The following VASH2 variants were observed in gnomAD, a reference collection of about 807,000 sequenced individuals.
VASH2 encodes tubulinyl-Tyr carboxypeptidase 2.
In VASH2, 28 loss-of-function variants were observed where a neutral mutation model predicts 37.2. The observed-to-expected ratio is 0.75, with a 90% CI of 0.56 to 1.03. The LOEUF is 1.03. VASH2 is among the 50% of genes least tolerant of loss of function. The pLI is 0.00. For missense variants in VASH2, 419 were observed against 459.1 expected (o/e 0.91, Z 0.80); for synonymous variants, 188 against 174.7 (o/e 1.08, Z -0.60).
At chr1:212,966,935 T>A in intron 5 of VASH2, 1 of 414,146 alleles carries the variant, frequency 2.4e-6, no homozygotes, top group South Asian at 1.8e-5. Flanking sequence ...GAGATGAGGT[T>A]TCACCATGTT....
intron 7 of VASH2, among the ~76,000 whole-genome samples, chr1:212,981,342 G>C (rs2102656559): frequency 6.6e-6 from 1 of 152,328 alleles, no homozygotes; most frequent in African/African-American, 2.4e-5. Context: ...ATGTGAGGGA[G>C]GAGCGGACTG....
In VASH2 at chr1:212,989,769, A is replaced by G. The variant is rs193277139; in HGVS notation, c.*1185A>G. On this transcript the variant is annotated 3_prime_UTR_variant, in exon 8 of 8. Coordinates refer to ENST00000517399, the MANE Select transcript of VASH2 (RefSeq NM_001301056.2). ...GGAAAAGTCTTCGGTCCAGTGTTAC[A>G]CCTTATAGTGTAATTCAGTCCCTAA... The G allele has an allele frequency of 2.0e-5, 3 of 152,224 alleles. No homozygotes were observed. The highest frequency in any genetic ancestry group is 7.2e-5 in the African/African-American group (3 of 41,536). The allele number at this position is 152,224 out of a possible 1,614,324, so 9.4% of individuals were successfully genotyped here.
intron 7 of VASH2, among the ~76,000 whole-genome samples, chr1:212,976,261 A>T (rs558552585): frequency 1.3e-5 from 2 of 152,340 alleles, no homozygotes; most frequent in African/African-American, 4.8e-5. Context: ...TGACAGCCAG[A>T]TAAGTCTGTG....
chr1:212,978,328 C>T (rs567042803), intron 7 of VASH2, among the ~76,000 whole-genome samples: 11 of 152,210 alleles, frequency 7.2e-5, no homozygotes, highest in East Asian at 3.8e-4. Flanking sequence ...TCTACTCTCC[C>T]GCTCCCCTCC....
At chr1:212,958,948 C>T (rs571424057) in intron 2 of VASH2, among the ~76,000 whole-genome samples, 1 of 151,712 alleles carries the variant, frequency 6.6e-6, no homozygotes. Flanking sequence ...AGGCTGGTCT[C>T]GAACTTCTGG....
In VASH2 at chr1:212,965,716, A is replaced by C. The variant is rs1401287087; in HGVS notation, c.366-6A>C. 6.4e-7 allele frequency: 1 copy of C among 1,551,144 alleles called. No homozygotes were observed. Among genetic ancestry groups the C allele is most frequent in the East Asian group, 2.4e-5 (1 of 40,920 alleles). The stretch of plus-strand genomic sequence containing the variant: ...CTGTCACTTTCCCTTTACATACTTT[A>C]CACAGATATAATCACACAGGGACCC... On this transcript the variant is annotated splice_region_variant and splice_polypyrimidine_tract_variant and intron_variant, in intron 3 of 7. Coordinates refer to ENST00000517399, the MANE Select transcript of VASH2 (RefSeq NM_001301056.2).
At chr1:212,979,914 C>G (rs796491112) in intron 7 of VASH2, among the ~76,000 whole-genome samples, 80 of 152,286 alleles carry the variant, frequency 5.3e-4, no homozygotes, top group African/African-American at 1.8e-3. Flanking sequence ...TCCTTCCCAG[C>G]CCCGGGCCTC....
chr1:212,988,384 T>TG (rs915263430), intron 7 of VASH2, 128 bp from the exon 8 acceptor site: 102 of 886,676 alleles, frequency 1.2e-4, no homozygotes, highest in Admixed American at 2.3e-4. Flanking sequence ...GCTGGCAGGG[T>TG]GGGGGAATGG....
chr1:212,966,000 G>T (rs1022535388), intron 4 of VASH2: 5 of 603,952 alleles, frequency 8.3e-6, no homozygotes, highest in Non-Finnish European at 1.5e-5. Flanking sequence ...GGTGGAGGAG[G>T]CTTGTAAACT....
In VASH2 at chr1:212,973,967, G is replaced by T; in HGVS notation, c.892G>T (p.Ala298Ser). 1 of 1,613,592 alleles carries T rather than the reference G, an allele frequency of 6.2e-7. No homozygotes were observed. The highest frequency in any genetic ancestry group is 8.5e-7 in the Non-Finnish European group (1 of 1,179,824). ...RDMRMKILKP[A>S]SAHSPTQVRS... is the part of the protein sequence containing the mutation. ...ACATCTCCTTCAGATCCTGAAACCT[G>T]CAAGTGCCCACTCTCCGACCCAAGT... The change falls in exon 7 of 8, where the codon GCA becomes TCA. Residue 298 changes from alanine to serine, a missense_variant. Ala to Ser is a moderately conservative substitution (Grantham distance 99). Around this residue, in one of 3 missense-constraint regions of VASH2, gnomAD observed 177 missense variants for 166.2 expected, o/e 1.06. Coordinates refer to ENST00000517399, the MANE Select transcript of VASH2 (RefSeq NM_001301056.2).
chr1:212,952,648 T>C (rs1025072060), intron 2 of VASH2: 5 of 152,222 alleles, frequency 3.3e-5, no homozygotes, highest in African/African-American at 1.2e-4. Flanking sequence ...AGATACGTTA[T>C]ATGAAACATC....
intron 5 of VASH2, chr1:212,968,970 G>A (rs1666926871): frequency 6.1e-6 from 6 of 985,396 alleles, no homozygotes; most frequent in Non-Finnish European, 7.2e-6. Context: ...TGCGCATCAT[G>A]CCACTGGAAT....
At chr1:212,954,665 A>T (rs933738871) in intron 2 of VASH2, among the ~76,000 whole-genome samples, 5 of 151,734 alleles carry the variant, frequency 3.3e-5, no homozygotes, top group Non-Finnish European at 7.4e-5. Flanking sequence ...TGATCTGCCC[A>T]CCTCGGCCTC....
At chr1:212,969,316 C>T in intron 5 of VASH2, 1 of 498,714 alleles carries the variant, frequency 2.0e-6, no homozygotes, top group Non-Finnish European at 2.6e-6. Flanking sequence ...CCTCAGCCTC[C>T]CCAGCAGCTG....
chr1:212,980,130 G>A (rs1346298589), intron 7 of VASH2, among the ~76,000 whole-genome samples: 8 of 152,188 alleles, frequency 5.3e-5, no homozygotes, highest in Non-Finnish European at 8.8e-5. Flanking sequence ...ATAAAGAACC[G>A]TTCCACCTCA....
At chr1:212,982,862 C>T (rs1667376672) in intron 7 of VASH2, among the ~76,000 whole-genome samples, 1 of 152,128 alleles carries the variant, frequency 6.6e-6, no homozygotes, top group Non-Finnish European at 1.5e-5. Flanking sequence ...AGTCCCTTTC[C>T]TTTGGAAGCA....
At position 212,966,305 on chromosome 1, in the gene VASH2, T is replaced by G. The variant is rs775923575; in HGVS notation, c.457T>G (p.Ser153Ala). 4 of 1,551,574 alleles carry G rather than the reference T, an allele frequency of 2.6e-6. No individual in the cohort carries two copies. In the South Asian group the frequency reaches 3.6e-5, roughly 14 times the overall value. Residue 153 changes from serine to alanine, a missense_variant, in exon 5 of 8, where the codon TCC becomes GCC. Transcript: ENST00000517399. ...METAKEMTRE[S>A]LPIKCLEAVI... ...AACAGCAAAAGAAATGACCCGAGAG[T>G]CCTTGCCTATCAAATGCCTTGAAGC...
intron 7 of VASH2, among the ~76,000 whole-genome samples, chr1:212,983,469 G>T (rs1316657369): frequency 6.6e-6 from 1 of 152,194 alleles, no homozygotes; most frequent in African/African-American, 2.4e-5. Context: ...CCTTTTATAA[G>T]AACCCACTTT....
intron 2 of VASH2, among the ~76,000 whole-genome samples, chr1:212,955,568 C>T (rs1396667169): frequency 2.0e-5 from 3 of 152,216 alleles, no homozygotes; most frequent in Non-Finnish European, 4.4e-5. Context: ...TAGGAAAATT[C>T]TAGGACAATC....
Sources: allele counts gnomAD v4.1 joint callset (sites outside exome capture counted in the v4.1 genomes callset), GRCh38; gene constraint gnomAD v4.1.1; regional missense constraint gnomAD v4.1.1; transcripts MANE v1.5; gene names NCBI Gene and HGNC (gene_info 2026-07-23, HGNC 2026-07-21).